The following EIF4G3 variants were observed in gnomAD, a reference collection of about 807,000 sequenced individuals.
EIF4G3 encodes eukaryotic translation initiation factor 4 gamma 3.
A neutral mutation model predicts 186.4 loss-of-function variants in EIF4G3; 34 were observed. That is an observed-to-expected ratio of 0.18 (90% CI 0.14 to 0.24). The LOEUF (loss-of-function observed/expected upper bound fraction) is 0.24, where lower values mean the gene tolerates loss of function less well. Among genes scored for constraint, EIF4G3 ranks in the 10% least tolerant of loss-of-function variants. EIF4G3 has a pLI of 1.00. For synonymous variants in EIF4G3, 673 were observed against 679.5 expected, an observed-to-expected ratio of 0.99 and a Z score of 0.15; for missense variants, 1,536 against 1,948.5, an observed-to-expected ratio of 0.79 and a Z score of 3.99.
chr1:21,144,830 T>C (rs764423941), intron 2 of EIF4G3, among the ~76,000 whole-genome samples: 10 of 152,280 alleles, frequency 6.6e-5, no homozygotes, highest in Admixed American at 1.3e-4. Flanking sequence ...ATCCTTGAAA[T>C]AGAGGGTTCT....
chr1:21,041,887 C>A (rs956696423), intron 4 of EIF4G3, among the ~76,000 whole-genome samples: 2 of 151,790 alleles, frequency 1.3e-5, no homozygotes, highest in African/African-American at 2.4e-5. Flanking sequence ...ACATTATAAG[C>A]ATGACTAGAC....
At chr1:21,080,044 G>A (rs2095717631) in intron 3 of EIF4G3, among the ~76,000 whole-genome samples, 3 of 151,994 alleles carry the variant, frequency 2.0e-5, no homozygotes, top group African/African-American at 7.2e-5. Flanking sequence ...CCAGCTACTC[G>A]GGAGGCCGAG....
At chr1:20,937,981 A>G (rs1285741156) in intron 14 of EIF4G3, among the ~76,000 whole-genome samples, 1 of 151,412 alleles carries the variant, frequency 6.6e-6, no homozygotes, top group Non-Finnish European at 1.5e-5. Context: ...TTGTTCTTCA[A>G]TCCGAAAACA....
chr1:21,015,458 T>C (rs2088674998), intron 4 of EIF4G3, among the ~76,000 whole-genome samples: 1 of 152,000 alleles, frequency 6.6e-6, no homozygotes, highest in Admixed American at 6.6e-5. Flanking sequence ...GAGACCCACA[T>C]GGAAACACAT....
intron 19 of EIF4G3, among the ~76,000 whole-genome samples, chr1:20,880,227 G>A (rs900359815): frequency 7.2e-5 from 11 of 152,104 alleles, no homozygotes; most frequent in Non-Finnish European, 1.5e-4. Flanking sequence ...TAAAAGGTAC[G>A]TAGATTGTAA....
rs545488700 is a variant in EIF4G3 at position 21,138,614 on chromosome 1, G to A, written c.-272+37561C>T. Among the ~76,000 whole-genome samples the A allele has an allele frequency of 1.4e-3, 207 of 152,080 alleles. 1 individual carries two copies. Among genetic ancestry groups the A allele is most frequent in the Middle Eastern group, 6.8e-3 (2 of 294 alleles). On this transcript the variant is annotated intron_variant, in intron 2 of 36. Transcript: ENST00000602326. ...AGGTAGATCACTTCAGGTCAGTAGC[G>A]CAAGGCCAGCCTGGTCAACATGGCC...
intron 3 of EIF4G3, among the ~76,000 whole-genome samples, chr1:21,052,778 T>TC (rs2094310455): frequency 6.6e-6 from 1 of 152,224 alleles, no homozygotes; most frequent in Admixed American, 6.5e-5. Flanking sequence ...AGACGGGGTT[T>TC]CGCTGTGTTG....
intron 2 of EIF4G3, among the ~76,000 whole-genome samples, chr1:21,142,945 A>G (rs1254848425): frequency 6.6e-6 from 1 of 152,166 alleles, no homozygotes; most frequent in African/African-American, 2.4e-5. Flanking sequence ...TACTAAAGAA[A>G]TTACATTAAA....
intron 7 of EIF4G3, among the ~76,000 whole-genome samples, chr1:20,993,038 A>G (rs546665631): frequency 1.7e-4 from 26 of 152,300 alleles, no homozygotes; most frequent in Non-Finnish European, 4.4e-5. Flanking sequence ...ATGACTTAGT[A>G]TTTCTTGTTT....
chr1:20,911,552 C>T (rs868714553), intron 14 of EIF4G3, among the ~76,000 whole-genome samples: 1 of 116,790 alleles, frequency 8.6e-6, no homozygotes, highest in Non-Finnish European at 1.7e-5. Context: ...CAGACTGAGA[C>T]CCTGCCTCAA....
At chr1:21,103,319 AGCAAGGAG>A in intron 2 of EIF4G3, among the ~76,000 whole-genome samples, 1 of 152,300 alleles carries the variant, frequency 6.6e-6, no homozygotes, top group East Asian at 1.9e-4. Context: ...CTATTTACAC[AGCAAGGAG>A]GCAAGGAGGC....
intron 2 of EIF4G3, among the ~76,000 whole-genome samples, chr1:21,152,719 T>C (rs945494768): frequency 1.3e-5 from 2 of 152,236 alleles, no homozygotes; most frequent in Non-Finnish European, 2.9e-5. Context: ...ATATCAACAT[T>C]TGGAAAATTT....
intron 12 of EIF4G3, among the ~76,000 whole-genome samples, chr1:20,954,213 GC>G (rs1455018924): frequency 6.6e-6 from 1 of 152,074 alleles, no homozygotes; most frequent in African/African-American, 2.4e-5. Context: ...AACAAGTATA[GC>G]CTCCACTGAG....
In EIF4G3 at chr1:20,845,384, T is replaced by C. The variant is rs375072712; in HGVS notation, c.3888+4031A>G. 1.0e-3 allele frequency among the ~76,000 whole-genome samples: 154 copies of C among 152,270 alleles called. 2 individuals carry two copies. Among genetic ancestry groups the C allele is most frequent in the East Asian group, 3.9e-4 (2 of 5,186 alleles). ...CCCTGTAATATAGTTTGAAGTAGGC[T>C]GGGCGCGGTGGCTCACGCCTGTAAT... On this transcript the variant is annotated intron_variant, in intron 29 of 36. Coordinates refer to ENST00000602326, the MANE Select transcript of EIF4G3 (RefSeq NM_001391906.1).
intron 14 of EIF4G3, among the ~76,000 whole-genome samples, chr1:20,918,081 G>C (rs1335271886): frequency 6.6e-6 from 1 of 151,958 alleles, no homozygotes; most frequent in Non-Finnish European, 1.5e-5. Context: ...CTTAAACAAA[G>C]GTAATATTCC....
Position 20,941,143 on chromosome 1 carries a change from GTTTT to G in EIF4G3, c.1663+344_1663+347del, listed in dbSNP as rs1482938026. The G allele has an allele frequency of 2.7e-5, 37 of 1,356,120 alleles. 1 individual carries two copies. In the South Asian group the frequency reaches 5.0e-4, roughly 18 times the overall value. The allele number at this position is 1,356,120 out of a possible 1,614,324, so 84.0% of individuals were successfully genotyped here. A position where few individuals can be genotyped will look rare whatever the true frequency, so the allele number is the denominator to read the frequency against. On this transcript the variant is annotated intron_variant, in intron 14 of 36. Coordinates refer to ENST00000602326, the MANE Select transcript of EIF4G3 (RefSeq NM_001391906.1). The stretch of plus-strand genomic sequence containing the variant: ...GAATTAGGGACTATAGACCATCCTG[GTTTT>G]TTGTTTTCTAGCCCCAAAGCAGCAA...
At position 21,004,113 on chromosome 1, in the gene EIF4G3, T is replaced by A. The variant is rs576994239; in HGVS notation, c.-66-1305A>T. On this transcript the variant is annotated intron_variant, in intron 4 of 36. Coordinates refer to ENST00000602326, the MANE Select transcript of EIF4G3 (RefSeq NM_001391906.1). ...CGGTGTGCTTTCCTTGAGGAAGACA[T>A]CTCAGAGCCACAATTAGCAGTCCAC... 5.3e-5 allele frequency among the ~76,000 whole-genome samples: 8 copies of A among 152,290 alleles called. No homozygotes were observed. In the South Asian group the frequency reaches 1.7e-3, roughly 32 times the overall value.
chr1:21,116,831 T>TC (rs781290509), intron 2 of EIF4G3, among the ~76,000 whole-genome samples: 258 of 140,258 alleles, frequency 1.8e-3, no homozygotes, highest in Non-Finnish European at 2.8e-3. Context: ...AGAGTGAGAC[T>TC]CCTTCTCAAA....
chr1:21,071,800 C>A (rs893695553), intron 3 of EIF4G3, among the ~76,000 whole-genome samples: 1 of 143,608 alleles, frequency 7.0e-6, no homozygotes, highest in Non-Finnish European at 1.5e-5. Flanking sequence ...AGCGAGGCTC[C>A]GTCTCAAAAA....
Sources: gnomAD v4.1 joint callset for allele counts (sites outside exome capture counted in the v4.1 genomes callset) on GRCh38, gnomAD v4.1.1 for gene constraint, MANE v1.5 for transcripts, NCBI Gene and HGNC (gene_info 2026-07-23, HGNC 2026-07-21) for gene names.